The following ANXA3 variants were observed in gnomAD, a reference collection of about 807,000 sequenced individuals.
The protein encoded by ANXA3 is annexin A3.
Under a neutral mutation model 48.8 loss-of-function variants are expected in ANXA3, and 46 were observed. The observed-to-expected ratio is 0.94, with a 90% CI of 0.74 to 1.21. ANXA3 has a LOEUF of 1.21. Among genes scored for constraint, ANXA3 ranks in the 50% most tolerant of loss-of-function variants. ANXA3 has a pLI of 0.00. For synonymous variants in ANXA3, 128 were observed against 134.7 expected, an observed-to-expected ratio of 0.95 and a Z score of 0.35; for missense variants, 383 against 378.6, an observed-to-expected ratio of 1.01 and a Z score of -0.10.
chr4:78,598,935 A>T (rs1723482065), intron 10 of ANXA3, among the ~76,000 whole-genome samples: 1 of 151,942 alleles, frequency 6.6e-6, no homozygotes, highest in African/African-American at 2.4e-5. Flanking sequence ...AGATGTACAA[A>T]CTCTCATTCA....
intron 6 of ANXA3, among the ~76,000 whole-genome samples, chr4:78,589,576 A>G (rs927657435): frequency 5.3e-5 from 8 of 152,310 alleles, no homozygotes; most frequent in African/African-American, 9.6e-5. Flanking sequence ...AGCAAGTAAC[A>G]TCCCCTCCCC....
At chr4:78,573,669 G>A (rs181716591) in intron 3 of ANXA3, among the ~76,000 whole-genome samples, 314 of 152,296 alleles carry the variant, frequency 2.1e-3, no homozygotes, top group Non-Finnish European at 3.6e-3. Context: ...AGAGACAGTC[G>A]TGCACAAGGG....
Position 78,604,361 on chromosome 4 carries a change from A to G in ANXA3, c.874A>G (p.Lys292Glu), listed in dbSNP as rs1249064874. Residue 292 changes from lysine to glutamate, a missense_variant, in exon 12 of 13, where the codon AAG becomes GAG. By Grantham distance (56) the Lys-to-Glu change is moderately conservative (BLOSUM62 1). Coordinates refer to ENST00000264908, the MANE Select transcript of ANXA3 (RefSeq NM_005139.3). ...CCTTTTGGACATTCGAACAGAGTTC[A>G]AGAAGCATTATGGCTATTCCCTATA... Reference protein sequence around the residue: ...IDLLDIRTEFKKHYGYSLYSA... With the variant: ...IDLLDIRTEFEKHYGYSLYSA... 13 of 1,613,282 alleles carry G rather than the reference A, an allele frequency of 8.1e-6. No individual in the cohort carries two copies. Among genetic ancestry groups the G allele is most frequent in the Non-Finnish European group, 1.0e-5 (12 of 1,179,570 alleles).
In ANXA3 at chr4:78,574,395, C is replaced by T. The variant is rs6833945; in HGVS notation, c.103+1128C>T. Among the ~76,000 whole-genome samples the T allele has an allele frequency of 8.9e-3, 1,354 of 152,172 alleles. 6 individuals are homozygous for T. Among genetic ancestry groups the T allele is most frequent in the Middle Eastern group, 0.02 (6 of 294 alleles). On this transcript the variant is annotated intron_variant, in intron 3 of 12. Transcript: ENST00000264908. The stretch of plus-strand genomic sequence containing the variant: ...TGATTGTGCCACTGCACTCCAGCCT[C>T]GATGACAGAGTGAGAGTCTATTTCA...
At chr4:78,584,668 A>C (rs1307456408) in intron 5 of ANXA3, among the ~76,000 whole-genome samples, 1 of 152,220 alleles carries the variant, frequency 6.6e-6, no homozygotes, top group Non-Finnish European at 1.5e-5. Flanking sequence ...GATCTGAGGC[A>C]TAAGCCATAT....
At position 78,565,146 on chromosome 4, in the gene ANXA3, A is replaced by T. The variant is rs529884383; in HGVS notation, c.16-8034A>T. On this transcript the variant is annotated intron_variant, in intron 2 of 12. Transcript: ENST00000264908. ...GTAGCTGGGATTACAGGCACCTGCC[A>T]CCACGCCTGGTTAAATTTTGTATTT... Among the ~76,000 whole-genome samples the T allele has an allele frequency of 1.9e-3, 286 of 152,260 alleles. 1 individual carries two copies. Among genetic ancestry groups the T allele is most frequent in the African/African-American group, 6.7e-3 (280 of 41,550 alleles).
intron 2 of ANXA3, among the ~76,000 whole-genome samples, chr4:78,562,076 G>A (rs1216772896): frequency 1.3e-5 from 2 of 152,144 alleles, no homozygotes; most frequent in Non-Finnish European, 2.9e-5. Flanking sequence ...ACTATAGTAT[G>A]CAAAGCTAAT....
intron 5 of ANXA3, among the ~76,000 whole-genome samples, chr4:78,584,703 G>A (rs796611783): frequency 3.9e-5 from 6 of 152,318 alleles, no homozygotes; most frequent in Middle Eastern, 6.8e-3. Flanking sequence ...AGGGAATGGA[G>A]TTATCTTCTT....
chr4:78,552,110 G>A (rs1465346055), intron 1 of ANXA3: 1 of 152,416 alleles, frequency 6.6e-6, no homozygotes, highest in African/African-American at 2.4e-5. Flanking sequence ...TGCCATGGGT[G>A]GGTCACCCAG....
chr4:78,558,618 G>C (rs1463617619), intron 2 of ANXA3, among the ~76,000 whole-genome samples: 1 of 152,182 alleles, frequency 6.6e-6, no homozygotes, highest in Non-Finnish European at 1.5e-5. Flanking sequence ...TGGTTTCTTA[G>C]GTCTTTTATA....
At chr4:78,567,550 G>C (rs187010760) in intron 2 of ANXA3, among the ~76,000 whole-genome samples, 2 of 152,306 alleles carry the variant, frequency 1.3e-5, no homozygotes, top group East Asian at 3.9e-4. Flanking sequence ...AGGTGGCTTT[G>C]AATTTCAGCT....
At chr4:78,599,275 A>G (rs926800321) in intron 10 of ANXA3, among the ~76,000 whole-genome samples, 1 of 152,226 alleles carries the variant, frequency 6.6e-6, no homozygotes, top group Admixed American at 6.6e-5. Context: ...AACTATTGAC[A>G]GTCACTTTCC....
At chr4:78,591,504 C>T (rs1723294102) in intron 6 of ANXA3, 40 bp from the exon 7 acceptor site, 9 of 1,352,092 alleles carry the variant, frequency 6.7e-6, no homozygotes, top group Non-Finnish European at 9.4e-6. Context: ...TCATATTTTT[C>T]AGTTTGTCAA....
chr4:78,575,543 G>A (rs1486015558), intron 3 of ANXA3, among the ~76,000 whole-genome samples: 2 of 146,460 alleles, frequency 1.4e-5, no homozygotes, highest in African/African-American at 2.8e-5. Flanking sequence ...CACCATCCAC[G>A]TAAGATGTGA....
chr4:78,587,663 A>T (rs1055103232), intron 6 of ANXA3, among the ~76,000 whole-genome samples: 1 of 152,238 alleles, frequency 6.6e-6, no homozygotes, highest in Non-Finnish European at 1.5e-5. Flanking sequence ...GTTAAAGAGG[A>T]TGCTTTGGGA....
chr4:78,600,282 G>A (rs1723506844), intron 10 of ANXA3, among the ~76,000 whole-genome samples: 2 of 152,178 alleles, frequency 1.3e-5, no homozygotes, highest in Non-Finnish European at 1.5e-5. Flanking sequence ...GGGTGATAAA[G>A]CCTCCTTCCC....
At chr4:78,597,242 A>G (rs569205950) in intron 9 of ANXA3, 77 bp from the exon 10 acceptor site, 15 of 920,070 alleles carry the variant, frequency 1.6e-5, no homozygotes, top group Admixed American at 1.4e-4. Context: ...TCTTCTGCAT[A>G]TCAAATAAAA....
At chr4:78,563,521 T>G (rs1187788714) in intron 2 of ANXA3, among the ~76,000 whole-genome samples, 8 of 67,522 alleles carry the variant, frequency 1.2e-4, no homozygotes, top group African/African-American at 3.0e-4. Flanking sequence ...TGAGGGAGCT[T>G]GGTCACGTCT....
At chr4:78,554,996 A>G (rs1317900819) in intron 2 of ANXA3, among the ~76,000 whole-genome samples, 1 of 152,224 alleles carries the variant, frequency 6.6e-6, no homozygotes, top group Non-Finnish European at 1.5e-5. Context: ...ACCTAAAGCC[A>G]GGAGTTTGAG....
Sources: gnomAD v4.1 joint callset for allele counts (sites outside exome capture counted in the v4.1 genomes callset) on GRCh38, gnomAD v4.1.1 for gene constraint, MANE v1.5 for transcripts, NCBI Gene and HGNC (gene_info 2026-07-23, HGNC 2026-07-21) for gene names.